Variants in MEI4 observed in about 807,000 individuals in gnomAD.
MEI4 encodes the protein meiotic double-stranded break formation protein 4, also known as meiosis-specific protein MEI4.
A neutral mutation model predicts 31.4 loss-of-function variants in MEI4; 27 were observed. The observed-to-expected ratio is 0.86, with a 90% CI of 0.63 to 1.19. The LOEUF is 1.19. Among genes scored for constraint, MEI4 ranks in the 50% most tolerant of loss-of-function variants. MEI4 has a pLI of 0.00. For synonymous variants in MEI4, 122 were observed against 145.4 expected (o/e 0.84, Z 1.16); for missense variants, 329 against 398.9 (o/e 0.82, Z 1.49).
At chr6:77,754,693 G>T (rs1388947100) in intron 2 of MEI4, among the ~76,000 whole-genome samples, 1 of 152,170 alleles carries the variant, frequency 6.6e-6, no homozygotes, top group East Asian at 1.9e-4. Context: ...ACAAAGAAAT[G>T]AGGTTCTGTT....
intron 2 of MEI4, among the ~76,000 whole-genome samples, chr6:77,741,691 C>A (rs1053266594): frequency 1.3e-5 from 2 of 151,530 alleles, no homozygotes; most frequent in African/African-American, 2.4e-5. Context: ...CATATGTACA[C>A]ATGTGCCATG....
intron 2 of MEI4, among the ~76,000 whole-genome samples, chr6:77,714,798 G>T (rs564997641): frequency 6.6e-6 from 1 of 152,172 alleles, no homozygotes; most frequent in South Asian, 2.1e-4. Flanking sequence ...GTGAAAGACT[G>T]CCCCCCATCC....
intron 1 of MEI4, among the ~76,000 whole-genome samples, chr6:77,685,312 CT>C (rs56264627): frequency 2.6e-3 from 328 of 128,172 alleles, no homozygotes; most frequent in Middle Eastern, 8.5e-3. Context: ...TGTCCCTTCA[CT>C]TTTTTTTTTT....
chr6:77,812,115 T>C (rs1312841763), intron 3 of MEI4, among the ~76,000 whole-genome samples: 1 of 152,170 alleles, frequency 6.6e-6, no homozygotes, highest in Non-Finnish European at 1.5e-5. Context: ...CTAAAATACG[T>C]GGCTTGTAAC....
intron 4 of MEI4, among the ~76,000 whole-genome samples, chr6:77,922,193 A>G (rs1298905712): frequency 6.6e-6 from 1 of 151,760 alleles, no homozygotes; most frequent in Non-Finnish European, 1.5e-5. Context: ...TCATTTTTGT[A>G]TTAATACAGT....
intron 1 of MEI4, among the ~76,000 whole-genome samples, chr6:77,679,005 A>G (rs1370354873): frequency 6.6e-6 from 1 of 152,242 alleles, no homozygotes; most frequent in African/African-American, 2.4e-5. Flanking sequence ...ACATAAAGAA[A>G]AAATGTATTG....
At chr6:77,732,955 C>G (rs9359285) in intron 2 of MEI4, among the ~76,000 whole-genome samples, 21,130 of 150,734 alleles carry the variant, frequency 0.14, 1,681 homozygotes, top group Middle Eastern at 0.21. Context: ...ATTGAACCAG[C>G]CTTGCATCCC....
rs553049002 is a variant in MEI4 at position 77,802,727 on chromosome 6, C to A, written c.769-26204C>A. 8.1e-4 allele frequency among the ~76,000 whole-genome samples: 123 copies of A among 152,174 alleles called. 1 individual carries two copies. The highest frequency in any genetic ancestry group is 2.8e-3 in the African/African-American group (116 of 41,532). ...AAAGGATTTTATTTATCCTTCACTTCTGAAGCTTAGTTTATCTGGATATGA... is the reference window on the plus strand; with the variant it reads ...AAAGGATTTTATTTATCCTTCACTTATGAAGCTTAGTTTATCTGGATATGA... On this transcript the variant is annotated intron_variant, in intron 3 of 4. Coordinates refer to ENST00000684080, the MANE Select transcript of MEI4 (RefSeq NM_001322247.2).
At chr6:77,817,752 T>C (rs529568806) in intron 3 of MEI4, among the ~76,000 whole-genome samples, 45 of 152,176 alleles carry the variant, frequency 3.0e-4, no homozygotes, top group Non-Finnish European at 2.2e-4. Flanking sequence ...TTTACTTTTC[T>C]ATACTCTTTC....
intron 2 of MEI4, among the ~76,000 whole-genome samples, chr6:77,727,081 C>T (rs933186337): frequency 1.3e-5 from 2 of 152,140 alleles, no homozygotes; most frequent in East Asian, 1.9e-4. Flanking sequence ...TTAGATTTCT[C>T]TTGGGGTGAT....
chr6:77,766,846 C>T (rs977709895), intron 3 of MEI4, among the ~76,000 whole-genome samples: 2 of 152,052 alleles, frequency 1.3e-5, no homozygotes, highest in African/African-American at 4.8e-5. Flanking sequence ...TTTAATTCTA[C>T]TCAGGTAGCA....
At chr6:77,899,601 T>C (rs1766148462) in intron 4 of MEI4, among the ~76,000 whole-genome samples, 1 of 152,082 alleles carries the variant, frequency 6.6e-6, no homozygotes, top group African/African-American at 2.4e-5. Context: ...ATGAGCACGT[T>C]ACACCTACAT....
At chr6:77,839,280 GAAAAAATCAGTTCCTCTGGCAAGAA>G (rs1770300132) in intron 4 of MEI4, among the ~76,000 whole-genome samples, 1 of 152,070 alleles carries the variant, frequency 6.6e-6, no homozygotes, top group Non-Finnish European at 1.5e-5. Flanking sequence ...TGAAAACTCA[GAAAAAATCAGTTCCTCTGGCAAGAA>G]AAAGTAGGTA....
intron 2 of MEI4, among the ~76,000 whole-genome samples, chr6:77,758,155 CA>C (rs58249702): frequency 0.58 from 67,237 of 115,822 alleles, 16,950 homozygotes; most frequent in East Asian, 0.79. Flanking sequence ...CTCCATCTCA[CA>C]AAAAAAAAAA....
chr6:77,776,285 T>C (rs1312666835), intron 3 of MEI4, among the ~76,000 whole-genome samples: 1 of 152,164 alleles, frequency 6.6e-6, no homozygotes, highest in Non-Finnish European at 1.5e-5. Flanking sequence ...GGGCTTTTTT[T>C]CTGCTTACTA....
Position 77,666,897 on chromosome 6 carries a change from G to GTGCA in MEI4, c.-15+13808_-15+13811dup, listed in dbSNP as rs1410400417. Among the ~76,000 whole-genome samples the GTGCA allele has an allele frequency of 1.1e-4, 16 of 151,820 alleles. No individual in the cohort carries two copies. In the South Asian group the frequency reaches 2.5e-3, roughly 24 times the overall value. Reference sequence around the variant, plus strand: ...TGTGTGTGTGTGCGTGCGTGCGTGCGTGCATGTGTTGCTGTGGTAGTAGGC... The same window carrying GTGCA: ...TGTGTGTGTGTGCGTGCGTGCGTGCGTGCATGCATGTGTTGCTGTGGTAGTAGGC... On this transcript the variant is annotated intron_variant, in intron 1 of 4. Coordinates refer to ENST00000684080, the MANE Select transcript of MEI4 (RefSeq NM_001322247.2).
intron 4 of MEI4, among the ~76,000 whole-genome samples, chr6:77,837,739 C>T (rs947983993): frequency 1.3e-5 from 2 of 151,854 alleles, no homozygotes; most frequent in Admixed American, 1.3e-4. Context: ...TTAAACAAAC[C>T]AAAAAATGGA....
chr6:77,680,989 T>C (rs1768946578), intron 1 of MEI4, among the ~76,000 whole-genome samples: 1 of 152,156 alleles, frequency 6.6e-6, no homozygotes, highest in Non-Finnish European at 1.5e-5. Context: ...AGAAAAAAAA[T>C]CAGTTTCCTA....
At chr6:77,696,696 T>C (rs540498068) in intron 2 of MEI4, among the ~76,000 whole-genome samples, 25 of 151,898 alleles carry the variant, frequency 1.6e-4, no homozygotes, top group South Asian at 1.5e-3. Flanking sequence ...TTTGCATCAA[T>C]GTTCATCAAG....
Sources: gnomAD v4.1 joint callset for allele counts (sites outside exome capture counted in the v4.1 genomes callset) on GRCh38, gnomAD v4.1.1 for gene constraint, MANE v1.5 for transcripts, NCBI Gene and HGNC (gene_info 2026-07-23, HGNC 2026-07-21) for gene names.